MORC1: variants seen among roughly 807,000 people sequenced by gnomAD.
MORC1 encodes the protein MORC family CW-type zinc finger protein 1.
Under a neutral mutation model 134.9 loss-of-function variants are expected in MORC1, and 59 were observed. The observed-to-expected ratio is 0.44, with a 90% confidence interval of 0.35 to 0.54. The LOEUF is 0.54. Among genes scored for constraint, MORC1 ranks in the 20% least tolerant of loss-of-function variants. The pLI, the probability that MORC1 is intolerant of heterozygous loss-of-function variation, is 0.00. For missense variants in MORC1, 947 were observed against 1,134.5 expected (o/e 0.83, Z 2.37); for synonymous variants, 395 against 391.7 (o/e 1.01, Z -0.10).
chr3:109,036,694 G>A (rs1385022047), intron 14 of MORC1, among the ~76,000 whole-genome samples: 1 of 152,138 alleles, frequency 6.6e-6, no homozygotes, highest in East Asian at 1.9e-4. Context: ...GGGGCTTAGA[G>A]ATCAGCAGAG....
intron 8 of MORC1, among the ~76,000 whole-genome samples, chr3:109,074,406 A>G (rs1950379543): frequency 6.6e-6 from 1 of 152,228 alleles, no homozygotes; most frequent in African/African-American, 2.4e-5. Flanking sequence ...CAAAAATAAT[A>G]TGAAAAAGAG....
intron 2 of MORC1, among the ~76,000 whole-genome samples, chr3:109,113,133 G>A (rs979292628): frequency 1.3e-5 from 2 of 152,214 alleles, no homozygotes; most frequent in African/African-American, 2.4e-5. Context: ...AGGCAGGACC[G>A]ATGACATAGG....
chr3:109,009,242 T>C (rs1212902733), intron 17 of MORC1, among the ~76,000 whole-genome samples: 1 of 148,460 alleles, frequency 6.7e-6, no homozygotes, highest in Admixed American at 6.7e-5. Context: ...AGTCTTGCTC[T>C]GTCACCAGGC....
At chr3:109,005,376 C>G (rs1319003063) in intron 18 of MORC1, 61 bp from the exon 19 acceptor site, 2 of 1,432,904 alleles carry the variant, frequency 1.4e-6, no homozygotes, top group African/African-American at 2.9e-5. Flanking sequence ...AATTAATCAC[C>G]ACTTCTCTCA....
intron 20 of MORC1, among the ~76,000 whole-genome samples, chr3:109,003,249 C>T (rs961907424): frequency 7.1e-6 from 1 of 141,640 alleles, no homozygotes; most frequent in African/African-American, 2.8e-5. Context: ...GAATGGCACA[C>T]AGTAAAATTA....
rs149153672 is a variant in MORC1, at chr3:109,112,997, T to C, written c.119+1387A>G. Among the ~76,000 whole-genome samples the C allele has an allele frequency of 9.5e-3, 1,453 of 152,376 alleles. 16 individuals are homozygous for C. Among genetic ancestry groups the C allele is most frequent in the Middle Eastern group, 0.041 (12 of 294 alleles). On this transcript the variant is annotated intron_variant, in intron 2 of 27. Transcript: ENST00000232603. ...ACTTCTTCCACATTCTGATTTTACT[T>C]GTCCTCCTTTGTTGAATGAATGAAA...
chr3:108,985,081 C>T (rs1045883442), intron 22 of MORC1, among the ~76,000 whole-genome samples: 2 of 152,100 alleles, frequency 1.3e-5, no homozygotes, highest in Non-Finnish European at 2.9e-5. Flanking sequence ...ACTGTTGATT[C>T]CCTGCTTTCA....
At chr3:109,117,045 A>G (rs1358378892) in intron 1 of MORC1, among the ~76,000 whole-genome samples, 3 of 151,104 alleles carry the variant, frequency 2.0e-5, no homozygotes, top group African/African-American at 7.4e-5. Context: ...TTTTTCTTAA[A>G]CTCACTCGAA....
At chr3:109,081,065 A>C (rs1378546819) in intron 8 of MORC1, among the ~76,000 whole-genome samples, 1 of 152,308 alleles carries the variant, frequency 6.6e-6, no homozygotes, top group East Asian at 1.9e-4. Flanking sequence ...AGATAGATTA[A>C]AAGACTATAA....
At chr3:109,071,736 G>A (rs1027036574) in intron 8 of MORC1, among the ~76,000 whole-genome samples, 1 of 152,166 alleles carries the variant, frequency 6.6e-6, no homozygotes, top group Non-Finnish European at 1.5e-5. Flanking sequence ...TAGCATCCAA[G>A]GTTTTTATTG....
intron 8 of MORC1, among the ~76,000 whole-genome samples, chr3:109,075,253 A>G (rs1297149526): frequency 6.6e-6 from 1 of 152,174 alleles, no homozygotes; most frequent in Admixed American, 6.5e-5. Flanking sequence ...GTAGACTAAG[A>G]ATACATATTA....
At chr3:109,050,071 G>A (rs1949785823) in intron 14 of MORC1, among the ~76,000 whole-genome samples, 1 of 152,128 alleles carries the variant, frequency 6.6e-6, no homozygotes, top group African/African-American at 2.4e-5. Flanking sequence ...CAAGCAGGAA[G>A]AACTCAGGAG....
chr3:109,061,682 C>G (rs769358640), intron 11 of MORC1, among the ~76,000 whole-genome samples: 3 of 152,050 alleles, frequency 2.0e-5, no homozygotes, highest in South Asian at 2.1e-4. Context: ...TATTTTTTCC[C>G]TTTCTCCTGT....
chr3:108,980,015 G>T (rs1947669708), intron 23 of MORC1, among the ~76,000 whole-genome samples: 2 of 151,942 alleles, frequency 1.3e-5, no homozygotes, highest in Admixed American at 1.3e-4. Context: ...AAGCCTCATG[G>T]TAACCATATG....
intron 6 of MORC1, among the ~76,000 whole-genome samples, chr3:109,098,551 C>G (rs377287121): frequency 1.3e-5 from 2 of 152,160 alleles, no homozygotes; most frequent in Non-Finnish European, 2.9e-5. Flanking sequence ...CCATTAATCT[C>G]CAGTACCAGC....
chr3:109,074,098 G>A (rs936260397), intron 8 of MORC1, among the ~76,000 whole-genome samples: 1 of 152,148 alleles, frequency 6.6e-6, no homozygotes, highest in Non-Finnish European at 1.5e-5. Context: ...TTAGAAACAT[G>A]CTGGCAACGT....
At chr3:109,068,677 T>A (rs1196616410) in intron 9 of MORC1, among the ~76,000 whole-genome samples, 1 of 152,208 alleles carries the variant, frequency 6.6e-6, no homozygotes, top group Non-Finnish European at 1.5e-5. Context: ...TAAACATGCA[T>A]GTGCAAGTAT....
chr3:109,039,666 G>A (rs529471471), intron 14 of MORC1, among the ~76,000 whole-genome samples: 10 of 152,218 alleles, frequency 6.6e-5, no homozygotes, highest in Middle Eastern at 3.4e-3. Context: ...CCATGTTCCC[G>A]GAAGATCTTT....
rs201228015 is a variant in MORC1 at position 109,009,197 on chromosome 3, G to GTTTTTTTTTTTTTTTTTTTTTT, written c.1705-2107_1705-2106insAAAAAAAAAAAAAAAAAAAAAA. Among the ~76,000 whole-genome samples, 5 of 133,810 alleles carry GTTTTTTTTTTTTTTTTTTTTTT rather than the reference G, an allele frequency of 3.7e-5. 1 individual carries two copies. Among genetic ancestry groups the GTTTTTTTTTTTTTTTTTTTTTT allele is most frequent in the Admixed American group, 7.5e-5 (1 of 13,422 alleles). 87.8% of individuals were successfully genotyped at this position (133,810 alleles called of 152,430 possible). A position where few individuals can be genotyped will look rare whatever the true frequency, so the allele number is the denominator to read the frequency against. On this transcript the variant is annotated intron_variant, in intron 17 of 27. Transcript: ENST00000232603. ...TTCCTGAGTTCTTTCCTATTTTTACGTTTTTTGTTGTTTTTTTTTTTTTTT... is the reference window on the plus strand; with the variant it reads ...TTCCTGAGTTCTTTCCTATTTTTACGTTTTTTTTTTTTTTTTTTTTTTTTTTTTGTTGTTTTTTTTTTTTTTT...
Sources: gnomAD v4.1 joint callset for allele counts (sites outside exome capture counted in the v4.1 genomes callset) on GRCh38, gnomAD v4.1.1 for gene constraint, MANE v1.5 for transcripts, NCBI Gene and HGNC (gene_info 2026-07-23, HGNC 2026-07-21) for gene names.